Variants in TLN2 observed in about 807,000 individuals in gnomAD.
TLN2 encodes talin-2.
TLN2 carries 118 observed loss-of-function variants against 294.7 expected under a neutral mutation model. That is an observed-to-expected ratio of 0.40 (90% CI 0.34 to 0.47). TLN2 has a LOEUF of 0.47. Among genes scored for constraint, TLN2 ranks in the 20% least tolerant of loss-of-function variants. TLN2 has a pLI of 0.84. For missense variants in TLN2, 3,083 were observed against 3,282.2 expected (o/e 0.94, Z 1.48); for synonymous variants, 1,431 against 1,304.5 (o/e 1.10, Z -2.09).
chr15:62,428,930 A>G (rs1353179200), intron 1 of TLN2, among the ~76,000 whole-genome samples: 2 of 152,142 alleles, frequency 1.3e-5, no homozygotes, highest in Non-Finnish European at 2.9e-5. Flanking sequence ...TTGAATATCC[A>G]GATTTCAGAA....
At chr15:62,823,606 C>T (rs540322518) in intron 54 of TLN2, among the ~76,000 whole-genome samples, 12 of 152,296 alleles carry the variant, frequency 7.9e-5, no homozygotes, top group African/African-American at 2.6e-4. Context: ...CTAAAATGCT[C>T]TGCTCACCAC....
At chr15:62,611,831 G>C (rs2047941045) in intron 2 of TLN2, among the ~76,000 whole-genome samples, 2 of 152,198 alleles carry the variant, frequency 1.3e-5, no homozygotes, top group Non-Finnish European at 2.9e-5. Context: ...CCCCCAGTCA[G>C]TTTAATGATC....
At chr15:62,716,253 G>T in intron 22 of TLN2, 78 bp from the exon 23 acceptor site, 1 of 1,363,904 alleles carries the variant, frequency 7.3e-7, no homozygotes. Flanking sequence ...CTATTACTAA[G>T]AAAAAATAAT....
chr15:62,464,237 G>T (rs1595867209), intron 1 of TLN2, among the ~76,000 whole-genome samples: 1 of 152,202 alleles, frequency 6.6e-6, no homozygotes, highest in Admixed American at 6.5e-5. Flanking sequence ...GGAATACTAT[G>T]CAGCCATAAA....
chr15:62,441,734 G>C (rs911018588), intron 1 of TLN2, among the ~76,000 whole-genome samples: 1 of 152,202 alleles, frequency 6.6e-6, no homozygotes. Flanking sequence ...CTGGGAAAGG[G>C]AGAGGGGCCA....
At chr15:62,787,693 C>CTTTTTTT (rs71672889) in intron 45 of TLN2, among the ~76,000 whole-genome samples, 7 of 65,560 alleles carry the variant, frequency 1.1e-4, no homozygotes, top group African/African-American at 3.2e-4. Flanking sequence ...AACTCCTTAT[C>CTTTTTTT]TTTTTTTTTT....
At chr15:62,673,310 C>CTTTTTTGTTTTTTTTT (rs2055686260) in intron 9 of TLN2, among the ~76,000 whole-genome samples, 1 of 42,856 alleles carries the variant, frequency 2.3e-5, no homozygotes, top group Non-Finnish European at 4.3e-5. Context: ...TTAGATGTTG[C>CTTTTTTGTTTTTTTTT]TTTTTTTTTT....
intron 9 of TLN2, among the ~76,000 whole-genome samples, chr15:62,661,596 A>G (rs891484890): frequency 2.0e-5 from 3 of 152,206 alleles, no homozygotes; most frequent in African/African-American, 4.8e-5. Flanking sequence ...TTTTAAATAT[A>G]TTAGGCATCA....
intron 21 of TLN2, among the ~76,000 whole-genome samples, chr15:62,710,720 CTT>C (rs71287048): frequency 6.6e-4 from 51 of 77,064 alleles, no homozygotes; most frequent in African/African-American, 1.9e-3. Context: ...TGCTGATGTC[CTT>C]TTTTTTTTTT....
chr15:62,773,278 A>T (rs1002746441), intron 42 of TLN2, among the ~76,000 whole-genome samples: 1 of 78,010 alleles, frequency 1.3e-5, no homozygotes, highest in African/African-American at 5.4e-5. Context: ...GTTCCCAGCC[A>T]TAGAGCACAC....
chr15:62,565,360 C>T lies in TLN2; in HGVS notation c.-237-24327C>T, dbSNP rs575618071. Among the ~76,000 whole-genome samples the T allele has an allele frequency of 2.0e-5, 3 of 152,234 alleles. No individual in the cohort carries two copies. In the South Asian group the frequency reaches 6.2e-4, roughly 32 times the overall value. On this transcript the variant is annotated intron_variant, in intron 1 of 58. Transcript: ENST00000636159. ...TAAAGTATATACATAATAAATTGCA[C>T]TAGACTGACAGATGATATTTCTAAA...
chr15:62,540,696 G>A (rs2041630775), intron 1 of TLN2, among the ~76,000 whole-genome samples: 1 of 152,136 alleles, frequency 6.6e-6, no homozygotes, highest in African/African-American at 2.4e-5. Flanking sequence ...ATAAGCATGT[G>A]CCAGAATGCA....
intron 1 of TLN2, among the ~76,000 whole-genome samples, chr15:62,431,510 A>T (rs2035010621): frequency 6.6e-6 from 1 of 152,226 alleles, no homozygotes; most frequent in Non-Finnish European, 1.5e-5. Context: ...AGGTAACGGT[A>T]AATGTGACCA....
chr15:62,456,333 C>T (rs1459969118), intron 1 of TLN2, among the ~76,000 whole-genome samples: 1 of 152,206 alleles, frequency 6.6e-6, no homozygotes, highest in Non-Finnish European at 1.5e-5. Flanking sequence ...ATCGGCTCTT[C>T]AGAGCTGCAG....
intron 1 of TLN2, among the ~76,000 whole-genome samples, chr15:62,397,118 G>C (rs566529866): frequency 3.3e-5 from 5 of 152,142 alleles, no homozygotes; most frequent in Non-Finnish European, 4.4e-5. Context: ...ACGATCTCTG[G>C]CTTAGCTGGC....
chr15:62,481,883 G>A (rs886203634), intron 1 of TLN2, among the ~76,000 whole-genome samples: 5 of 140,382 alleles, frequency 3.6e-5, no homozygotes, highest in African/African-American at 1.1e-4. Flanking sequence ...TGCAACCTCC[G>A]CCTCCTGGGT....
rs781000627 is a variant in TLN2, at chr15:62,740,677, G to A, written c.3933G>A (p.Ser1311=). 20 of 1,614,184 alleles carry A rather than the reference G, an allele frequency of 1.2e-5. No homozygotes were observed. In the African/African-American group the frequency reaches 2.3e-4, roughly 18 times the overall value. Residue 1311 remains serine (S), a synonymous_variant, in exon 32 of 59, where the codon TCG becomes TCA. Coordinates refer to ENST00000636159, the MANE Select transcript of TLN2 (RefSeq NM_015059.3). ...TGATAGGGAACCTCAAGAATATCTC[G>A]ATGGCATCCAGCAAGCTGCTGTTAG... is the stretch of plus-strand genomic sequence containing the variant. ...IQVIGNLKNI[S]MASSKLLLAA... is the part of the protein sequence containing the mutation.
At chr15:62,715,147 C>T (rs980690023) in intron 22 of TLN2, among the ~76,000 whole-genome samples, 6 of 152,194 alleles carry the variant, frequency 3.9e-5, no homozygotes, top group African/African-American at 1.4e-4. Flanking sequence ...AGAGGGTTGC[C>T]AAAAGAATTC....
chr15:62,746,348 C>T (rs2061608225), intron 32 of TLN2, among the ~76,000 whole-genome samples: 1 of 152,190 alleles, frequency 6.6e-6, no homozygotes, highest in South Asian at 2.1e-4. Flanking sequence ...TTGAGGACTA[C>T]ACCCTCCGCA....
Sources: gnomAD v4.1 joint callset for allele counts (sites outside exome capture counted in the v4.1 genomes callset) on GRCh38, gnomAD v4.1.1 for gene constraint, MANE v1.5 for transcripts, NCBI Gene and HGNC (gene_info 2026-07-23, HGNC 2026-07-21) for gene names.